GUCY1A2: variants seen among roughly 807,000 people sequenced by gnomAD.
GUCY1A2 encodes the protein guanylate cyclase 1 soluble subunit alpha 2, also known as guanylate cyclase soluble subunit alpha-2.
A neutral mutation model predicts 63.5 loss-of-function variants in GUCY1A2; 27 were observed. The observed-to-expected ratio is 0.43, with a 90% CI of 0.31 to 0.59. The LOEUF (loss-of-function observed/expected upper bound fraction) is 0.59, where lower values mean the gene tolerates loss of function less well. GUCY1A2 is among the 20% of genes least tolerant of loss of function. The probability of loss-of-function intolerance (pLI) is 0.11; values close to 1 mark genes in which losing one functional copy is unlikely to be tolerated. For missense variants in GUCY1A2, 768 were observed against 913.3 expected (o/e 0.84, Z 2.05); for synonymous variants, 364 against 343.5 (o/e 1.06, Z -0.66).
chr11:106,984,049 G>A (rs1380899868), intron 2 of GUCY1A2, among the ~76,000 whole-genome samples: 3 of 152,128 alleles, frequency 2.0e-5, no homozygotes, highest in Non-Finnish European at 4.4e-5. Flanking sequence ...GGCAAAAGAG[G>A]AAGTTGGACA....
At chr11:106,931,243 TA>T (rs1860597286) in intron 4 of GUCY1A2, among the ~76,000 whole-genome samples, 1 of 152,102 alleles carries the variant, frequency 6.6e-6, no homozygotes, top group Non-Finnish European at 1.5e-5. Context: ...CACCAATGAC[TA>T]AAAAGTATAA....
At chr11:106,897,707 G>A (rs1860071098) in intron 4 of GUCY1A2, among the ~76,000 whole-genome samples, 1 of 151,080 alleles carries the variant, frequency 6.6e-6, no homozygotes, top group Non-Finnish European at 1.5e-5. Context: ...CACAAAAAAT[G>A]CAAAATGGAT....
intron 4 of GUCY1A2, among the ~76,000 whole-genome samples, chr11:106,816,688 T>C (rs1858836822): frequency 6.6e-6 from 1 of 151,024 alleles, no homozygotes; most frequent in South Asian, 2.1e-4. Flanking sequence ...AAAACATCAA[T>C]AAAATCAGTA....
At chr11:106,747,971 T>G (rs748960675) in intron 6 of GUCY1A2, among the ~76,000 whole-genome samples, 1 of 152,182 alleles carries the variant, frequency 6.6e-6, no homozygotes, top group Admixed American at 6.5e-5. Context: ...GGCTGTGATA[T>G]CCTTAAACAC....
At chr11:106,706,855 G>A (rs1429733163) in intron 7 of GUCY1A2, among the ~76,000 whole-genome samples, 3 of 152,058 alleles carry the variant, frequency 2.0e-5, no homozygotes, top group Non-Finnish European at 4.4e-5. Context: ...CTCTACTAGA[G>A]AATTTGACAA....
intron 4 of GUCY1A2, among the ~76,000 whole-genome samples, chr11:106,888,229 C>T (rs968923272): frequency 6.6e-6 from 1 of 151,660 alleles, no homozygotes; most frequent in Non-Finnish European, 1.5e-5. Flanking sequence ...CAGGCCAAGG[C>T]GGGTGGATCA....
chr11:106,941,403 A>G (rs1860751110), intron 3 of GUCY1A2, among the ~76,000 whole-genome samples: 1 of 152,230 alleles, frequency 6.6e-6, no homozygotes, highest in African/African-American at 2.4e-5. Context: ...AAAGAGGACT[A>G]TAACACATAC....
intron 4 of GUCY1A2, among the ~76,000 whole-genome samples, chr11:106,868,934 G>T (rs952877493): frequency 2.0e-5 from 3 of 152,138 alleles, no homozygotes; most frequent in African/African-American, 4.8e-5. Context: ...ACAGAACAGA[G>T]TCCTCAGAAA....
At chr11:106,736,619 T>C (rs991325990) in intron 6 of GUCY1A2, among the ~76,000 whole-genome samples, 5 of 152,214 alleles carry the variant, frequency 3.3e-5, no homozygotes, top group Admixed American at 3.3e-4. Flanking sequence ...TTTGGGTCTT[T>C]TATGGTTCCA....
At chr11:106,912,806 C>T (rs1860314078) in intron 4 of GUCY1A2, among the ~76,000 whole-genome samples, 1 of 152,106 alleles carries the variant, frequency 6.6e-6, no homozygotes, top group African/African-American at 2.4e-5. Flanking sequence ...ATGAAACCTT[C>T]TGTTTCTCTA....
In GUCY1A2 at chr11:106,684,086, G is replaced by T. The variant is rs753921849; in HGVS notation, c.*3463C>A. The T allele has an allele frequency of 2.7e-5, 5 of 185,736 alleles. No homozygotes were observed. The highest frequency in any genetic ancestry group is 1.2e-4 in the Admixed American group (2 of 16,060). The allele number at this position is 185,736 out of a possible 1,614,324, so 11.5% of individuals were successfully genotyped here. ...ATCCTCTTTTGCTTTGTTTTTCCTG[G>T]AAAGACACACATATTCACACTAAAC... On this transcript the variant is annotated 3_prime_UTR_variant, in exon 8 of 8. Coordinates refer to ENST00000526355, the MANE Select transcript of GUCY1A2 (RefSeq NM_000855.3).
At chr11:106,902,123 G>A (rs1484022683) in intron 4 of GUCY1A2, among the ~76,000 whole-genome samples, 2 of 152,122 alleles carry the variant, frequency 1.3e-5, no homozygotes, top group Admixed American at 6.6e-5. Context: ...ATGTTAGCAG[G>A]CATGCAAACA....
chr11:106,875,850 T>C (rs759305505), intron 4 of GUCY1A2, among the ~76,000 whole-genome samples: 1 of 152,110 alleles, frequency 6.6e-6, no homozygotes, highest in South Asian at 2.1e-4. Flanking sequence ...TTATCTATTA[T>C]GCATGCAGTC....
chr11:106,878,674 G>A (rs1859783685), intron 4 of GUCY1A2, among the ~76,000 whole-genome samples: 1 of 151,454 alleles, frequency 6.6e-6, no homozygotes, highest in South Asian at 2.1e-4. Flanking sequence ...ATAACTAATG[G>A]GTACTAGGCC....
At chr11:106,710,466 T>G (rs939331827) in intron 6 of GUCY1A2, among the ~76,000 whole-genome samples, 1 of 145,590 alleles carries the variant, frequency 6.9e-6, no homozygotes, top group African/African-American at 2.5e-5. Context: ...GTATAGTACC[T>G]AGAGCAAAGC....
chr11:106,922,690 T>TTGCAGCA (rs1193865744), intron 4 of GUCY1A2, among the ~76,000 whole-genome samples: 1 of 16,800 alleles, frequency 6.0e-5, no homozygotes, highest in Non-Finnish European at 1.4e-4. Flanking sequence ...TATATATATA[T>TTGCAGCA]ATATATATAT....
intron 5 of GUCY1A2, among the ~76,000 whole-genome samples, chr11:106,801,092 T>G (rs1858591385): frequency 6.6e-6 from 1 of 152,096 alleles, no homozygotes; most frequent in Non-Finnish European, 1.5e-5. Context: ...CTCTTTAACC[T>G]CCGGGAGCCA....
At chr11:106,806,024 A>T (rs1268957026) in intron 5 of GUCY1A2, among the ~76,000 whole-genome samples, 6 of 152,050 alleles carry the variant, frequency 3.9e-5, no homozygotes, top group Non-Finnish European at 8.8e-5. Flanking sequence ...ATTATATGAG[A>T]TCATATTTTA....
At chr11:106,924,382 T>C (rs1860491074) in intron 4 of GUCY1A2, among the ~76,000 whole-genome samples, 5 of 152,190 alleles carry the variant, frequency 3.3e-5, no homozygotes, top group Admixed American at 3.3e-4. Flanking sequence ...TCCATAAAAA[T>C]AAGAACTTTA....
Sources: gnomAD v4.1 joint callset for allele counts (sites outside exome capture counted in the v4.1 genomes callset) on GRCh38, gnomAD v4.1.1 for gene constraint, MANE v1.5 for transcripts, NCBI Gene and HGNC (gene_info 2026-07-23, HGNC 2026-07-21) for gene names.